TYW1B: variants seen among roughly 807,000 people sequenced by gnomAD.
TYW1B encodes the protein S-adenosyl-L-methionine-dependent tRNA 4-demethylwyosine synthase TYW1B.
In TYW1B, 73 loss-of-function variants were observed where a neutral mutation model predicts 86.9. That is an observed-to-expected ratio of 0.84 (90% CI 0.70 to 1.02). The LOEUF (loss-of-function observed/expected upper bound fraction) is 1.02, where lower values mean the gene tolerates loss of function less well. Ranked by LOEUF, TYW1B falls within the 50% of genes least tolerant of loss-of-function variation. The pLI, the probability that TYW1B is intolerant of heterozygous loss-of-function variation, is 0.00. For missense variants in TYW1B, 637 were observed against 827.4 expected (o/e 0.77, Z 2.82); for synonymous variants, 248 against 292.8 (o/e 0.85, Z 1.56).
chr7:72,728,846 G>C lies in TYW1B; in HGVS notation c.1168C>G (p.Gln390Glu). The stretch of plus-strand genomic sequence containing the variant: ...CCTTTAAACTGCTTAATCATGTTCT[G>C]ATGGTTTTCAATGGCTTCCTTCAAG... ...MILKEAIENH[Q>E]NMIKQFKGVP... Residue 390 changes from glutamine (Q) to glutamate (E), a missense_variant, in exon 9 of 14, where the codon CAG becomes GAG. Coordinates refer to ENST00000620995, the MANE Select transcript of TYW1B (RefSeq NM_001145440.3). 3 of 1,613,704 alleles carry C rather than the reference G, an allele frequency of 1.9e-6. No individual in the cohort carries two copies. Among genetic ancestry groups the C allele is most frequent in the Non-Finnish European group, 2.5e-6 (3 of 1,179,802 alleles).
At chr7:72,701,335 C>T (rs782706185) in intron 10 of TYW1B, among the ~76,000 whole-genome samples, 3 of 151,384 alleles carry the variant, frequency 2.0e-5, no homozygotes, top group Non-Finnish European at 4.4e-5. Context: ...ATGATCATGG[C>T]TCACTGCAAT....
At chr7:72,767,617 T>TAATAAAAA (rs1339662733) in intron 7 of TYW1B, among the ~76,000 whole-genome samples, 1 of 151,322 alleles carries the variant, frequency 6.6e-6, no homozygotes, top group Non-Finnish European at 1.5e-5. Flanking sequence ...CTCAAAAAAA[T>TAATAAAAA]AATAAAAAAA....
intron 7 of TYW1B, among the ~76,000 whole-genome samples, chr7:72,765,961 C>G (rs1787761716): frequency 6.6e-6 from 1 of 152,186 alleles, no homozygotes; most frequent in Non-Finnish European, 1.5e-5. Context: ...GACTTTTACT[C>G]CTCTTAATGC....
chr7:72,629,475 G>C (rs1812431649), intron 11 of TYW1B, among the ~76,000 whole-genome samples: 1 of 152,142 alleles, frequency 6.6e-6, no homozygotes, highest in South Asian at 2.1e-4. Flanking sequence ...TGGCAGAAAA[G>C]GTACATGGAT....
chr7:72,681,228 G>A (rs1437318612), intron 11 of TYW1B, among the ~76,000 whole-genome samples: 1 of 152,240 alleles, frequency 6.6e-6, no homozygotes, highest in Non-Finnish European at 1.5e-5. Context: ...GAGGAGATCG[G>A]ATAAATGCAA....
At chr7:72,591,180 C>G (rs1304624128) in intron 13 of TYW1B, among the ~76,000 whole-genome samples, 1 of 151,038 alleles carries the variant, frequency 6.6e-6, no homozygotes, top group Admixed American at 6.6e-5. Context: ...AAAAAGTGAA[C>G]AGAGATTAAG....
Position 72,575,210 on chromosome 7 carries a change from C to A in TYW1B, c.*288G>T. The A allele has an allele frequency of 8.2e-7, 1 of 1,225,020 alleles. No individual in the cohort carries two copies. 75.9% of individuals were successfully genotyped at this position (1,225,020 alleles called of 1,614,324 possible). ...AGGTCTTAGAAGTTATAATACAAAA[C>A]CATCAGTTAAATTCTAATCACGACT... On this transcript the variant is annotated 3_prime_UTR_variant, in exon 14 of 14. Coordinates refer to ENST00000620995, the MANE Select transcript of TYW1B (RefSeq NM_001145440.3).
chr7:72,722,119 G>A (rs1175405287), intron 9 of TYW1B, among the ~76,000 whole-genome samples: 3 of 152,086 alleles, frequency 2.0e-5, no homozygotes, highest in Non-Finnish European at 2.9e-5. Flanking sequence ...TACTCCACTT[G>A]AGGTTTTTCA....
At chr7:72,615,263 AT>A (rs1169690568) in intron 13 of TYW1B, among the ~76,000 whole-genome samples, 6 of 152,246 alleles carry the variant, frequency 3.9e-5, no homozygotes, top group African/African-American at 1.4e-4. Context: ...CTAAAATTAA[AT>A]TGTCCTGTTT....
intron 6 of TYW1B, among the ~76,000 whole-genome samples, chr7:72,787,589 G>A (rs782053084): frequency 2.6e-5 from 4 of 151,774 alleles, no homozygotes; most frequent in Admixed American, 6.6e-5. Flanking sequence ...TGGCCAACAC[G>A]GTGAAACCCT....
At chr7:72,743,793 G>A (rs528249021) in intron 8 of TYW1B, among the ~76,000 whole-genome samples, 58 of 149,432 alleles carry the variant, frequency 3.9e-4, no homozygotes, top group African/African-American at 1.4e-3. Context: ...GCAGTGAGCC[G>A]AGATGACGCC....
At position 72,647,052 on chromosome 7, in the gene TYW1B, G is replaced by A. The variant is rs3015891; in HGVS notation, c.1507-18055C>T. ...TGACAGTTGCAATTCAAGACATACT[G>A]TAGTTGAGGCTGTGTCAAAACAAGA... On this transcript the variant is annotated intron_variant, in intron 11 of 13. Transcript: ENST00000620995. 1.7e-3 allele frequency among the ~76,000 whole-genome samples: 259 copies of A among 152,314 alleles called. No individual in the cohort carries two copies. The East Asian group carries it at 0.021, about 12-fold the overall frequency.
chr7:72,714,037 T>C (rs1413436798), intron 9 of TYW1B, among the ~76,000 whole-genome samples: 2 of 151,168 alleles, frequency 1.3e-5, no homozygotes, highest in African/African-American at 4.8e-5. Flanking sequence ...AAACTAGCTT[T>C]GTTAGCTAAT....
intron 8 of TYW1B, among the ~76,000 whole-genome samples, chr7:72,742,437 T>C (rs1787321749): frequency 6.6e-6 from 1 of 152,138 alleles, no homozygotes; most frequent in African/African-American, 2.4e-5. Context: ...GCCAGTATTT[T>C]TGGATTGTAA....
At chr7:72,677,414 C>G (rs1813760687) in intron 11 of TYW1B, among the ~76,000 whole-genome samples, 1 of 152,012 alleles carries the variant, frequency 6.6e-6, no homozygotes, top group African/African-American at 2.4e-5. Flanking sequence ...TCCCAAAGTA[C>G]TGGGATTACA....
At chr7:72,633,206 T>C (rs1269535686) in intron 11 of TYW1B, among the ~76,000 whole-genome samples, 3 of 152,240 alleles carry the variant, frequency 2.0e-5, no homozygotes, top group East Asian at 1.9e-4. Context: ...TTAATTTGCA[T>C]GTAAATATGT....
intron 13 of TYW1B, among the ~76,000 whole-genome samples, chr7:72,606,546 G>A (rs188590262): frequency 1.8e-3 from 269 of 152,050 alleles, no homozygotes; most frequent in African/African-American, 6.1e-3. Context: ...ATACACTCGA[G>A]TGGTGTCAGA....
At chr7:72,712,746 A>G (rs1419966237) in intron 10 of TYW1B, among the ~76,000 whole-genome samples, 30 of 152,210 alleles carry the variant, frequency 2.0e-4, no homozygotes, top group East Asian at 1.2e-3. Context: ...TGTCTCCCCA[A>G]TTGCATACCA....
At chr7:72,689,025 G>A (rs546128629) in intron 11 of TYW1B, among the ~76,000 whole-genome samples, 1 of 152,150 alleles carries the variant, frequency 6.6e-6, no homozygotes, top group African/African-American at 2.4e-5. Context: ...AAGCTGAATG[G>A]AATCAGCCCT....
Sources: gnomAD v4.1 joint callset for allele counts (sites outside exome capture counted in the v4.1 genomes callset) on GRCh38, gnomAD v4.1.1 for gene constraint, MANE v1.5 for transcripts, NCBI Gene and HGNC (gene_info 2026-07-23, HGNC 2026-07-21) for gene names.